VAV1: variants seen among roughly 807,000 people sequenced by gnomAD.
VAV1 encodes vav guanine nucleotide exchange factor 1.
VAV1 carries 33 observed loss-of-function variants against 128.1 expected under a neutral mutation model. The observed-to-expected ratio is 0.26, with a 90% CI of 0.20 to 0.34. The LOEUF is 0.34. VAV1 is among the 10% of genes least tolerant of loss of function. VAV1 has a pLI of 1.00. For missense variants in VAV1, 715 were observed against 1,093.7 expected (o/e 0.65, Z 4.88); for synonymous variants, 394 against 409.8 (o/e 0.96, Z 0.47).
intron 1 of VAV1, among the ~76,000 whole-genome samples, chr19:6,807,111 T>C (rs1971413041): frequency 6.6e-6 from 1 of 152,192 alleles, no homozygotes. Flanking sequence ...CAGTGACCGG[T>C]TTTGTGGAAG....
chr19:6,836,714 C>A, intron 20 of VAV1, 146 bp downstream of exon 20: 1 of 1,337,624 alleles, frequency 7.5e-7, no homozygotes, highest in East Asian at 2.5e-5. Flanking sequence ...GACTTCTGGG[C>A]ATGGCTTTTC....
intron 1 of VAV1, among the ~76,000 whole-genome samples, chr19:6,819,795 A>G (rs1352143249): frequency 6.6e-6 from 1 of 152,152 alleles, no homozygotes; most frequent in Non-Finnish European, 1.5e-5. Context: ...GATCTGGGGA[A>G]CCTCAGAGAG....
At position 6,826,536 on chromosome 19, in the gene VAV1, G is replaced by A. The variant is rs1971922297; in HGVS notation, c.828-76G>A. 1 of 1,153,960 alleles carries A rather than the reference G, an allele frequency of 8.7e-7. No individual in the cohort carries two copies. The highest frequency in any genetic ancestry group is 1.3e-6 in the Non-Finnish European group (1 of 791,332). 71.5% of individuals were successfully genotyped at this position (1,153,960 alleles called of 1,614,324 possible). A position where few individuals can be genotyped will look rare whatever the true frequency, so the allele number is the denominator to read the frequency against. ...TTTCTTCTCCAGCGGGGAAGAGCAAGGCCAGGGCTGACGCCAGCCTCTGCC... is the reference window on the plus strand; with the variant it reads ...TTTCTTCTCCAGCGGGGAAGAGCAAAGCCAGGGCTGACGCCAGCCTCTGCC... On this transcript the variant is annotated intron_variant, in intron 8 of 26. Coordinates refer to ENST00000602142, the MANE Select transcript of VAV1 (RefSeq NM_005428.4). This position sits in a 1 kb window ranked among gnomAD's most constrained non-coding sequence, Gnocchi z 4.1.
chr19:6,790,862 T>A (rs946652497), intron 1 of VAV1, among the ~76,000 whole-genome samples: 1 of 152,216 alleles, frequency 6.6e-6, no homozygotes, highest in African/African-American at 2.4e-5. Flanking sequence ...GAAGGGGGCA[T>A]CAGCTTCTGG....
chr19:6,807,462 G>A (rs886868347), intron 1 of VAV1, among the ~76,000 whole-genome samples: 1 of 152,118 alleles, frequency 6.6e-6, no homozygotes, highest in Non-Finnish European at 1.5e-5. Flanking sequence ...TGGGGCTCAG[G>A]TGGTAATGCG....
chr19:6,835,007 C>T (rs1445292832), intron 19 of VAV1, among the ~76,000 whole-genome samples: 2 of 151,628 alleles, frequency 1.3e-5, no homozygotes, highest in African/African-American at 2.4e-5. Context: ...CACGCCACTG[C>T]ACGCCAACCT....
chr19:6,807,472 G>C (rs193053978), intron 1 of VAV1, among the ~76,000 whole-genome samples: 1 of 152,048 alleles, frequency 6.6e-6, no homozygotes, highest in South Asian at 2.1e-4. Flanking sequence ...GTGGTAATGC[G>C]AGCAATGGGG....
intron 23 of VAV1, among the ~76,000 whole-genome samples, chr19:6,848,944 C>T (rs1214689766): frequency 6.6e-6 from 1 of 151,498 alleles, no homozygotes; most frequent in Non-Finnish European, 1.5e-5. Context: ...TAGGTGTGCA[C>T]CACCACATCC....
chr19:6,781,052 A>G (rs1970757841), intron 1 of VAV1, among the ~76,000 whole-genome samples: 1 of 151,112 alleles, frequency 6.6e-6, no homozygotes, highest in South Asian at 2.1e-4. Context: ...GGGACTACAG[A>G]TGCACACCAC....
In VAV1 at chr19:6,826,746, G is replaced by C. The variant is rs535492965; in HGVS notation, c.927+35G>C. The C allele has an allele frequency of 2.0e-6, 3 of 1,498,232 alleles. No individual in the cohort carries two copies. The highest frequency in any genetic ancestry group is 2.4e-5 in the South Asian group (2 of 83,264). The allele number at this position is 1,498,232 out of a possible 1,614,324, so 92.8% of individuals were successfully genotyped here. A position where few individuals can be genotyped will look rare whatever the true frequency, so the allele number is the denominator to read the frequency against. ...GGGCCACTTCTCGGGGGCCTCTCCC[G>C]CTCCTCCCCAGGCCCTGGGGGCAGC... On this transcript the variant is annotated intron_variant, in intron 9 of 26. Transcript: ENST00000602142. This position sits in a 1 kb window ranked among gnomAD's most constrained non-coding sequence, Gnocchi z 4.1.
rs949465564 is a variant in VAV1, at chr19:6,822,872, A to T, written c.654+358A>T. 1.4e-5 allele frequency among the ~76,000 whole-genome samples: 2 copies of T among 147,380 alleles called. No individual in the cohort carries two copies. The highest frequency in any genetic ancestry group is 3.9e-4 in the East Asian group (2 of 5,126). On this transcript the variant is annotated intron_variant, in intron 6 of 26. Coordinates refer to ENST00000602142, the MANE Select transcript of VAV1 (RefSeq NM_005428.4). The surrounding 1 kb of genome is among the most constrained non-coding windows in gnomAD (Gnocchi z 5.9). ...ACAAAGTATATATAAAAATATAAACATATAATATGTATAAAATATAAACAT... is the reference window on the plus strand; with the variant it reads ...ACAAAGTATATATAAAAATATAAACTTATAATATGTATAAAATATAAACAT...
chr19:6,805,348 C>A (rs1370656040), intron 1 of VAV1, among the ~76,000 whole-genome samples: 1 of 151,892 alleles, frequency 6.6e-6, no homozygotes, highest in African/African-American at 2.4e-5. Context: ...TCGCTTGAAC[C>A]CGGGAGGTGG....
At chr19:6,788,040 G>A (rs551058843) in intron 1 of VAV1, among the ~76,000 whole-genome samples, 2,158 of 152,070 alleles carry the variant, frequency 0.014, 25 homozygotes, top group Non-Finnish European at 0.02. Context: ...TCCCGCCACT[G>A]CACTCCAGCC....
At chr19:6,806,312 C>G (rs568124590) in intron 1 of VAV1, among the ~76,000 whole-genome samples, 2 of 152,292 alleles carry the variant, frequency 1.3e-5, no homozygotes, top group Non-Finnish European at 2.9e-5. Context: ...GTCTCGAACT[C>G]CTGACCTTGT....
intron 25 of VAV1, 137 bp from the exon 26 acceptor site, chr19:6,853,810 A>T: frequency 9.4e-7 from 1 of 1,063,344 alleles, no homozygotes; most frequent in Non-Finnish European, 1.3e-6. Context: ...CTTACAGTAC[A>T]GGGCATCTAA....
chr19:6,841,770 A>G (rs111706205), intron 21 of VAV1, among the ~76,000 whole-genome samples: 5,842 of 151,846 alleles, frequency 0.038, 351 homozygotes, highest in African/African-American at 0.13. Flanking sequence ...CACCGTGTCC[A>G]GCACATACTG....
intron 1 of VAV1, among the ~76,000 whole-genome samples, chr19:6,787,843 G>A (rs932249161): frequency 2.6e-5 from 4 of 151,950 alleles, no homozygotes; most frequent in African/African-American, 9.7e-5. Context: ...TTGGGAGGCC[G>A]AGGCAGGTGG....
At chr19:6,844,629 A>G (rs1205481496) in intron 22 of VAV1, among the ~76,000 whole-genome samples, 2 of 152,166 alleles carry the variant, frequency 1.3e-5, no homozygotes, top group African/African-American at 4.8e-5. Context: ...ATTGAGGCCC[A>G]GAGAGGCAAA....
At chr19:6,817,888 G>A (rs908433985) in intron 1 of VAV1, among the ~76,000 whole-genome samples, 25 of 152,132 alleles carry the variant, frequency 1.6e-4, no homozygotes, top group African/African-American at 3.9e-4. Flanking sequence ...GGATTTCACC[G>A]TGTTAGCCAG....
Sources: allele counts gnomAD v4.1 joint callset (sites outside exome capture counted in the v4.1 genomes callset), GRCh38; gene constraint gnomAD v4.1.1; non-coding constraint Gnocchi (gnomAD v3.1); transcripts MANE v1.5; gene names NCBI Gene and HGNC (gene_info 2026-07-23, HGNC 2026-07-21).